The following SGPL1 variants were observed in gnomAD, a reference collection of about 807,000 sequenced individuals.
SGPL1 encodes SP-lyase 1.
Under a neutral mutation model 68.9 loss-of-function variants are expected in SGPL1, and 37 were observed. The observed-to-expected ratio is 0.54, with a 90% confidence interval of 0.41 to 0.71. The LOEUF is 0.71. Among genes scored for constraint, SGPL1 ranks in the 30% least tolerant of loss-of-function variants. The probability of loss-of-function intolerance (pLI) is 0.00; values close to 1 mark genes in which losing one functional copy is unlikely to be tolerated. For missense variants in SGPL1, 551 were observed against 704.6 expected, an observed-to-expected ratio of 0.78 and a Z score of 2.47; for synonymous variants, 236 against 248.5, an observed-to-expected ratio of 0.95 and a Z score of 0.47.
rs980539332 is a variant in SGPL1, at chr10:70,878,280, T to G, written c.*945T>G. 1 of 152,246 alleles carries G rather than the reference T, an allele frequency of 6.6e-6. No individual in the cohort carries two copies. Among genetic ancestry groups the G allele is most frequent in the African/African-American group, 2.4e-5 (1 of 41,466 alleles). The allele number at this position is 152,246 out of a possible 1,614,324, so 9.4% of individuals were successfully genotyped here. A position where few individuals can be genotyped will look rare whatever the true frequency, so the allele number is the denominator to read the frequency against. The stretch of plus-strand genomic sequence containing the variant: ...CCTGCTTCGTCCACCCAGGCAGGGT[T>G]TGGGGTGGTCTCTTCTGTGCCTGCA... On this transcript the variant is annotated 3_prime_UTR_variant, in exon 15 of 15. Transcript: ENST00000373202.
At chr10:70,831,198 T>C (rs1845529376) in intron 2 of SGPL1, among the ~76,000 whole-genome samples, 1 of 152,154 alleles carries the variant, frequency 6.6e-6, no homozygotes, top group Admixed American at 6.6e-5. Context: ...TTGGAAGCCG[T>C]AGGGAAAAAC....
At chr10:70,857,351 CATT>C (rs1444272664) in intron 5 of SGPL1, 6 of 385,322 alleles carry the variant, frequency 1.6e-5, no homozygotes, top group Non-Finnish European at 2.9e-5. Flanking sequence ...ATGAGGACAA[CATT>C]ATTATCAGAT....
At chr10:70,823,972 G>T (rs2131850056) in intron 2 of SGPL1, among the ~76,000 whole-genome samples, 1 of 152,240 alleles carries the variant, frequency 6.6e-6, no homozygotes, top group South Asian at 2.1e-4. Flanking sequence ...ATATGTCATT[G>T]TTTCTTAAAA....
In SGPL1 at chr10:70,844,328, G is replaced by A. The variant is rs1039569341; in HGVS notation, c.28-145G>A. On this transcript the variant is annotated intron_variant, in intron 2 of 14. Coordinates refer to ENST00000373202, the MANE Select transcript of SGPL1 (RefSeq NM_003901.4). ...GACTGGTACAGAAGCCTTGAGGGCT[G>A]TAGATGATAATAAGATTATTGCTGA... The A allele has an allele frequency of 8.3e-5, 55 of 661,748 alleles. No individual in the cohort carries two copies. The Admixed American group carries it at 1.4e-3, about 17-fold the overall frequency. 41.0% of individuals were successfully genotyped at this position (661,748 alleles called of 1,614,324 possible). A position where few individuals can be genotyped will look rare whatever the true frequency, so the allele number is the denominator to read the frequency against.
intron 2 of SGPL1, among the ~76,000 whole-genome samples, chr10:70,825,023 GGC>G (rs1845408627): frequency 6.8e-6 from 1 of 147,254 alleles, no homozygotes. Context: ...AGAGTGCAGT[GGC>G]TCGATCTCGG....
At chr10:70,875,619 C>A in intron 13 of SGPL1, 71 bp downstream of exon 13, 2 of 1,280,378 alleles carry the variant, frequency 1.6e-6, no homozygotes, top group Non-Finnish European at 2.2e-6. Flanking sequence ...GTACAGTAAC[C>A]TGAAGTATAG....
intron 6 of SGPL1, 152 bp from the exon 7 acceptor site, chr10:70,859,219 T>G: frequency 2.8e-6 from 1 of 352,132 alleles, no homozygotes; most frequent in Non-Finnish European, 4.7e-6. Context: ...TCCTCTGCTA[T>G]GTTTTGATCT....
At chr10:70,839,949 A>G (rs1358158798) in intron 2 of SGPL1, among the ~76,000 whole-genome samples, 2 of 152,124 alleles carry the variant, frequency 1.3e-5, no homozygotes, top group Non-Finnish European at 2.9e-5. Flanking sequence ...TGTTTTAAGA[A>G]AGTTTACAAA....
intron 2 of SGPL1, among the ~76,000 whole-genome samples, chr10:70,834,036 G>T (rs1304796268): frequency 6.6e-6 from 1 of 152,130 alleles, no homozygotes; most frequent in East Asian, 1.9e-4. Flanking sequence ...GGAAAGCTTC[G>T]TGGATGTCTT....
intron 2 of SGPL1, among the ~76,000 whole-genome samples, chr10:70,842,469 G>A (rs1269050492): frequency 3.3e-5 from 5 of 152,158 alleles, no homozygotes; most frequent in Non-Finnish European, 7.3e-5. Flanking sequence ...AGAAAAGAGG[G>A]TTAATTGGCT....
intron 2 of SGPL1, among the ~76,000 whole-genome samples, chr10:70,825,786 T>C (rs142110513): frequency 1.8e-4 from 27 of 152,340 alleles, no homozygotes; most frequent in African/African-American, 6.3e-4. Context: ...ATTTTTCATG[T>C]GTCCAGATCA....
At chr10:70,827,101 C>T (rs141097287) in intron 2 of SGPL1, among the ~76,000 whole-genome samples, 2 of 152,306 alleles carry the variant, frequency 1.3e-5, no homozygotes, top group Non-Finnish European at 2.9e-5. Flanking sequence ...CTAGATATTG[C>T]TAAACTTTTC....
At chr10:70,862,655 G>T (rs1846094364) in intron 7 of SGPL1, among the ~76,000 whole-genome samples, 1 of 151,986 alleles carries the variant, frequency 6.6e-6, no homozygotes, top group African/African-American at 2.4e-5. Context: ...GAGACCACGA[G>T]CCCACCGGGA....
At chr10:70,861,255 AAG>A (rs1452082480) in intron 7 of SGPL1, among the ~76,000 whole-genome samples, 1 of 152,066 alleles carries the variant, frequency 6.6e-6, no homozygotes, top group Non-Finnish European at 1.5e-5. Flanking sequence ...GAAGGTATGA[AAG>A]AGAGGCTAAG....
intron 3 of SGPL1, among the ~76,000 whole-genome samples, chr10:70,850,268 G>A (rs916210747): frequency 6.6e-6 from 1 of 152,090 alleles, no homozygotes; most frequent in African/African-American, 2.4e-5. Flanking sequence ...TCCCACCTCG[G>A]CCTCCCACAG....
rs751577551 is a variant in SGPL1 at position 70,857,599 on chromosome 10, T to TA, written c.410-14dup. On this transcript the variant is annotated splice_polypyrimidine_tract_variant and intron_variant, in intron 5 of 14. Transcript: ENST00000373202. ...ATTCTTGCTTACTGACCAGTGACCT[T>TA]ACCTTTCTCTGCAGACGCCTTCTGG... 5 of 1,608,918 alleles carry TA rather than the reference T, an allele frequency of 3.1e-6. No homozygotes were observed. The highest frequency in any genetic ancestry group is 1.6e-4 in the Middle Eastern group (1 of 6,068).
At chr10:70,831,187 A>T (rs1043559306) in intron 2 of SGPL1, among the ~76,000 whole-genome samples, 1 of 152,118 alleles carries the variant, frequency 6.6e-6, no homozygotes, top group Non-Finnish European at 1.5e-5. Flanking sequence ...ATAATTTTTC[A>T]TTGGAAGCCG....
chr10:70,862,918 A>G (rs1160001377), intron 7 of SGPL1, among the ~76,000 whole-genome samples: 1 of 152,218 alleles, frequency 6.6e-6, no homozygotes, highest in African/African-American at 2.4e-5. Context: ...GTAGAAGCCC[A>G]TTGGGCTTTT....
At chr10:70,876,922 A>G (rs1038713736) in intron 14 of SGPL1, among the ~76,000 whole-genome samples, 5 of 152,228 alleles carry the variant, frequency 3.3e-5, no homozygotes, top group African/African-American at 1.2e-4. Context: ...ATTTGAAAAG[A>G]AAATTTTGTC....
Sources: gnomAD v4.1 joint callset for allele counts (sites outside exome capture counted in the v4.1 genomes callset) on GRCh38, gnomAD v4.1.1 for gene constraint, MANE v1.5 for transcripts, NCBI Gene and HGNC (gene_info 2026-07-23, HGNC 2026-07-21) for gene names.